The following IFI16 variants were observed in gnomAD, a reference collection of about 807,000 sequenced individuals.
IFI16 encodes gamma-interferon-inducible protein 16.
A neutral mutation model predicts 68.4 loss-of-function variants in IFI16; 49 were observed. The ratio of observed to expected loss-of-function variants is 0.72; its 90% CI spans 0.57 to 0.91. IFI16 has a LOEUF of 0.91. Ranked by LOEUF, IFI16 falls within the 40% of genes least tolerant of loss-of-function variation. The probability of loss-of-function intolerance (pLI) is 0.00; values close to 1 mark genes in which losing one functional copy is unlikely to be tolerated. For missense variants in IFI16, 878 were observed against 942.9 expected, an observed-to-expected ratio of 0.93 and a Z score of 0.90; for synonymous variants, 307 against 315.0, an observed-to-expected ratio of 0.97 and a Z score of 0.27.
chr1:159,032,398 G>C, intron 6 of IFI16, 126 bp from the exon 7 acceptor site: 1 of 558,434 alleles, frequency 1.8e-6, no homozygotes, highest in Non-Finnish European at 2.9e-6. Context: ...ATACATTAGA[G>C]AGAGACCATG....
At chr1:159,001,897 C>T (rs762029930), upstream of IFI16, among the ~76,000 whole-genome samples, 5 of 152,194 alleles carry the variant, frequency 3.3e-5, no homozygotes, top group Non-Finnish European at 7.3e-5. Flanking sequence ...TTGGTGGCTT[C>T]ATGTCCCAGG....
At chr1:159,035,480 A>G (rs1654266613) in intron 7 of IFI16, among the ~76,000 whole-genome samples, 1 of 152,238 alleles carries the variant, frequency 6.6e-6, no homozygotes, top group South Asian at 2.1e-4. Flanking sequence ...AGCTGTACAA[A>G]TGATTGTGCT....
At chr1:159,044,339 C>CA (rs1654849641) in intron 7 of IFI16, among the ~76,000 whole-genome samples, 1 of 152,108 alleles carries the variant, frequency 6.6e-6, no homozygotes, top group Non-Finnish European at 1.5e-5. Context: ...AGTAGGTGTG[C>CA]AAATGTTAAA....
At chr1:159,030,882 G>GGA (rs773700136) in intron 6 of IFI16, among the ~76,000 whole-genome samples, 8 of 145,042 alleles carry the variant, frequency 5.5e-5, no homozygotes, top group East Asian at 2.1e-4. Context: ...TGGGTGGGGG[G>GGA]GCCACAGAGC....
intron 7 of IFI16, among the ~76,000 whole-genome samples, chr1:159,039,261 A>C (rs1235023206): frequency 6.6e-6 from 1 of 152,210 alleles, no homozygotes; most frequent in African/African-American, 2.4e-5. Context: ...TTCCATAGAA[A>C]ATACCAGAGA....
rs552134560 is a variant in IFI16, at chr1:159,036,799, A to G, written c.1329+4108A>G. 4.2e-4 allele frequency among the ~76,000 whole-genome samples: 64 copies of G among 152,164 alleles called. 1 individual carries two copies. The highest frequency in any genetic ancestry group is 7.2e-4 in the Non-Finnish European group (49 of 67,986). On this transcript the variant is annotated intron_variant, in intron 7 of 11. Transcript: ENST00000295809. ...AAGTCAAAAGAAAAACTAGATGACA[A>G]TTTTCCAAGTTAGTGTCTCATCTAG... is the stretch of plus-strand genomic sequence containing the variant.
At chr1:159,013,941 C>T (rs973868774) in intron 1 of IFI16, among the ~76,000 whole-genome samples, 3 of 151,960 alleles carry the variant, frequency 2.0e-5, no homozygotes, top group African/African-American at 4.8e-5. Flanking sequence ...TGTGGCTTAT[C>T]GAGAGAAAAC....
upstream of IFI16, among the ~76,000 whole-genome samples, chr1:159,003,568 T>C (rs1266229690): frequency 6.6e-6 from 1 of 152,106 alleles, no homozygotes; most frequent in Admixed American, 6.6e-5. Context: ...TAGCCACCTG[T>C]CACTGAGTTA....
intron 6 of IFI16, among the ~76,000 whole-genome samples, chr1:159,028,636 T>C (rs1275803789): frequency 6.6e-6 from 1 of 152,168 alleles, no homozygotes; most frequent in Non-Finnish European, 1.5e-5. Flanking sequence ...CCAGTATTAT[T>C]GTGTTGCCAT....
At chr1:159,052,573 C>G (rs1159286497) in intron 10 of IFI16, 1 of 154,970 alleles carries the variant, frequency 6.5e-6, no homozygotes, top group African/African-American at 2.4e-5. Flanking sequence ...GCAGCTATGT[C>G]TAACAGTTAG....
intron 6 of IFI16, among the ~76,000 whole-genome samples, chr1:159,026,499 G>A (rs1044165731): frequency 2.0e-5 from 3 of 151,822 alleles, no homozygotes; most frequent in East Asian, 1.9e-4. Context: ...GGGTTTCACC[G>A]TGCTGGCCAG....
rs771110506 is a variant in IFI16 at position 159,014,871 on chromosome 1, A to C, written c.191A>C (p.Lys64Thr). The change falls in exon 2 of 12, where the codon AAA (lysine) becomes ACA (threonine). Residue 64 changes from lysine (K) to threonine (T), a missense_variant. This residue lies in a region of IFI16 where 65 missense variants were observed against 96.9 expected (regional missense o/e 0.67). Transcript: ENST00000295809. ...TTCCGAGGTGATGCTGGTTTGGGCAAACTAATAAAAATTTTCGAAGATATA... is the reference window on the plus strand; with the variant it reads ...TTCCGAGGTGATGCTGGTTTGGGCACACTAATAAAAATTTTCGAAGATATA... ...EKFRGDAGLG[K>T]LIKIFEDIPT... The C allele has an allele frequency of 1.9e-6, 3 of 1,613,872 alleles. No individual in the cohort carries two copies. The African/African-American group carries it at 4.0e-5, about 22-fold the overall frequency.
chr1:159,028,749 G>A (rs12094692), intron 6 of IFI16, among the ~76,000 whole-genome samples: 42,428 of 151,226 alleles, frequency 0.28, 8,025 homozygotes, highest in African/African-American at 0.53. Flanking sequence ...TTAGCATTAT[G>A]TAATGTCCCT....
chr1:159,010,402 TTGCAGA>T (rs1652475708), intron 1 of IFI16, among the ~76,000 whole-genome samples: 1 of 152,226 alleles, frequency 6.6e-6, no homozygotes, highest in Non-Finnish European at 1.5e-5. Flanking sequence ...ATTTTGACCG[TTGCAGA>T]TTTTAAAATT....
chr1:159,000,503 C>T (rs1287640767), intron 1 of IFI16: 1 of 152,446 alleles, frequency 6.6e-6, no homozygotes, highest in Non-Finnish European at 1.5e-5. Flanking sequence ...GTCCTTCTTC[C>T]TGGGAAAGAC....
intron 6 of IFI16, among the ~76,000 whole-genome samples, chr1:159,021,617 C>T (rs1424099637): frequency 1.3e-5 from 2 of 152,148 alleles, no homozygotes; most frequent in African/African-American, 4.8e-5. Flanking sequence ...GGTAGATACC[C>T]AGTAGTGGGA....
At chr1:159,028,660 T>C (rs1250495208) in intron 6 of IFI16, among the ~76,000 whole-genome samples, 3 of 152,220 alleles carry the variant, frequency 2.0e-5, no homozygotes, top group African/African-American at 7.2e-5. Flanking sequence ...TCTTATTTCT[T>C]AGGTTCAGTA....
chr1:159,048,642 T>C (rs997014822), intron 8 of IFI16, among the ~76,000 whole-genome samples: 3 of 151,492 alleles, frequency 2.0e-5, no homozygotes, highest in African/African-American at 7.3e-5. Flanking sequence ...TGTACCTCTC[T>C]ATCAACAATT....
chr1:159,031,832 G>C (rs558691123), intron 6 of IFI16, among the ~76,000 whole-genome samples: 5 of 152,176 alleles, frequency 3.3e-5, no homozygotes, highest in Non-Finnish European at 2.9e-5. Flanking sequence ...TATAAAACTC[G>C]TGGTAAATAA....
Sources: gnomAD v4.1 joint callset for allele counts (sites outside exome capture counted in the v4.1 genomes callset) on GRCh38, gnomAD v4.1.1 for gene constraint, gnomAD v4.1.1 regional missense constraint, MANE v1.5 for transcripts, NCBI Gene and HGNC (gene_info 2026-07-23, HGNC 2026-07-21) for gene names.